USP7: variants seen among roughly 807,000 people sequenced by gnomAD.
USP7 encodes the protein ubiquitin C-terminal hydrolase 7.
A neutral mutation model predicts 162.9 loss-of-function variants in USP7; 9 were observed. The ratio of observed to expected loss-of-function variants is 0.06; its 90% CI spans 0.03 to 0.10. The LOEUF (loss-of-function observed/expected upper bound fraction) is 0.10. Ranked by LOEUF, USP7 falls within the 10% of genes least tolerant of loss-of-function variation. The pLI, the probability that USP7 is intolerant of heterozygous loss-of-function variation, is 1.00. For synonymous variants in USP7, 562 were observed against 475.9 expected (o/e 1.18, Z -2.35); for missense variants, 715 against 1,373.7 (o/e 0.52, Z 7.58).
intron 16 of USP7, among the ~76,000 whole-genome samples, chr16:8,902,969 G>A (rs551048989): frequency 4.7e-4 from 72 of 152,300 alleles, no homozygotes; most frequent in African/African-American, 1.6e-3. Context: ...CTTCAGGATC[G>A]AATGCCCATT....
In USP7 at chr16:8,923,363, T is replaced by A. The variant is rs1341264405; in HGVS notation, c.235A>T (p.Ser79Cys). The change falls in exon 3 of 31, where the codon AGC becomes TGC. Residue 79 changes from serine (S) to cysteine (C), a missense_variant. Transcript: ENST00000344836. ...CTAAGGACCGACTCACTCAGTCTGCTGAAGCGCTCCACAGTGAACTGAAAG... is the reference window on the plus strand; with the variant it reads ...CTAAGGACCGACTCACTCAGTCTGCAGAAGCGCTCCACAGTGAACTGAAAG... Reference protein sequence around the residue: ...ATFQFTVERFSRLSESVLSPP... With the variant: ...ATFQFTVERFCRLSESVLSPP... 2 of 1,614,108 alleles carry A rather than the reference T, an allele frequency of 1.2e-6. No individual in the cohort carries two copies. The highest frequency in any genetic ancestry group is 4.5e-5 in the East Asian group (2 of 44,904).
intron 1 of USP7, among the ~76,000 whole-genome samples, chr16:8,933,839 T>A (rs1337107105): frequency 6.6e-6 from 1 of 151,428 alleles, no homozygotes; most frequent in East Asian, 1.9e-4. Flanking sequence ...CACTGCAGCC[T>A]CCATCTCCTG....
chr16:8,912,329 G>A (rs956953065), intron 10 of USP7, among the ~76,000 whole-genome samples: 1 of 151,886 alleles, frequency 6.6e-6, no homozygotes, highest in African/African-American at 2.4e-5. Flanking sequence ...GTGGGCACCT[G>A]TAATCCCAGC....
chr16:8,910,894 A>T, intron 10 of USP7, 67 bp from the exon 11 acceptor site: 1 of 1,295,838 alleles, frequency 7.7e-7, no homozygotes, highest in Non-Finnish European at 1.1e-6. Context: ...ACACAGGTGT[A>T]AGTTATTTAA....
At chr16:8,951,691 T>C (rs1462853884) in intron 1 of USP7, among the ~76,000 whole-genome samples, 3 of 152,250 alleles carry the variant, frequency 2.0e-5, no homozygotes, top group Non-Finnish European at 1.5e-5. Context: ...ACCTGCACCC[T>C]GAGCCCTCGC....
At chr16:8,922,758 C>T (rs1260919496) in intron 3 of USP7, among the ~76,000 whole-genome samples, 4 of 152,212 alleles carry the variant, frequency 2.6e-5, no homozygotes, top group Non-Finnish European at 5.9e-5. Flanking sequence ...TTGGACATTT[C>T]ATAATATACA....
At position 8,910,974 on chromosome 16, in the gene USP7, T is replaced by G. The variant is rs1360269698; in HGVS notation, c.1079-147A>C. On this transcript the variant is annotated intron_variant, in intron 10 of 30. Transcript: ENST00000344836. ...GTAACTCTCCCCCTGTAGCCAAGAC[T>G]GTAGGTAAATGTGCTGTTAGCACCT... 7 of 672,598 alleles carry G rather than the reference T, an allele frequency of 1.0e-5. No individual in the cohort carries two copies. The African/African-American group carries it at 1.1e-4, about 10-fold the overall frequency. The allele number at this position is 672,598 out of a possible 1,614,324, so 41.7% of individuals were successfully genotyped here. A position where few individuals can be genotyped will look rare whatever the true frequency, so the allele number is the denominator to read the frequency against.
At chr16:8,909,660 G>A (rs1041182097) in intron 11 of USP7, among the ~76,000 whole-genome samples, 6 of 152,214 alleles carry the variant, frequency 3.9e-5, no homozygotes, top group Non-Finnish European at 1.5e-5. Flanking sequence ...TGAGCAAGTG[G>A]CTCATGCCTG....
At chr16:8,897,727 AT>A (rs2061709709) in intron 25 of USP7, among the ~76,000 whole-genome samples, 24 of 6,842 alleles carry the variant, frequency 3.5e-3, no homozygotes, top group African/African-American at 9.7e-3. Context: ...AAAAAAAAAA[AT>A]ATATATATAT....
chr16:8,913,230 C>T (rs889850856), intron 10 of USP7, among the ~76,000 whole-genome samples: 2 of 152,186 alleles, frequency 1.3e-5, no homozygotes, highest in African/African-American at 2.4e-5. Context: ...GTGGCGCATG[C>T]CTCTAATCCC....
chr16:8,960,972 G>A (rs1487360544), intron 1 of USP7, among the ~76,000 whole-genome samples: 2 of 152,206 alleles, frequency 1.3e-5, no homozygotes, highest in Non-Finnish European at 2.9e-5. Flanking sequence ...GGCCCAGTCA[G>A]AAGAAATGAG....
At chr16:8,936,722 TA>T in intron 1 of USP7, 1 of 1,410,706 alleles carries the variant, frequency 7.1e-7, no homozygotes, top group South Asian at 1.5e-5. Flanking sequence ...CATTCTTTTT[TA>T]TTTTTTAAAG....
At chr16:8,931,313 T>C (rs1270927738) in intron 1 of USP7, among the ~76,000 whole-genome samples, 2 of 151,986 alleles carry the variant, frequency 1.3e-5, no homozygotes, top group Non-Finnish European at 2.9e-5. Context: ...CTCAGCCTCC[T>C]GAGTAGCTGG....
At chr16:8,899,046 T>C in intron 23 of USP7, 75 bp downstream of exon 23, 1 of 1,478,552 alleles carries the variant, frequency 6.8e-7, no homozygotes, top group Non-Finnish European at 9.3e-7. Context: ...TTATTAAAAT[T>C]AGTTCCAAGA....
In USP7 at chr16:8,897,082, T is replaced by C. The variant is rs556450148; in HGVS notation, c.2736A>G (p.Pro912=). 6.2e-7 allele frequency: 1 copy of C among 1,613,446 alleles called. No individual in the cohort carries two copies. Among genetic ancestry groups the C allele is most frequent in the South Asian group, 1.1e-5 (1 of 91,060 alleles). Residue 912 remains proline, a synonymous_variant, in exon 26 of 31, where the codon CCA becomes CCG. Coordinates refer to ENST00000344836, the MANE Select transcript of USP7 (RefSeq NM_003470.3). ...QFREEEITLY[P]DKHGCVRDLL... ...GGTCCCGGACACACCCATGCTTGTCTGGATATAGTGTTATTTCCTAAGTAA... is the reference window on the plus strand; with the variant it reads ...GGTCCCGGACACACCCATGCTTGTCCGGATATAGTGTTATTTCCTAAGTAA...
intron 1 of USP7, among the ~76,000 whole-genome samples, chr16:8,932,763 A>C (rs1045325065): frequency 1.5e-4 from 23 of 152,222 alleles, no homozygotes; most frequent in African/African-American, 4.1e-4. Flanking sequence ...AAAGTGGAGG[A>C]GGCAAGAAGG....
At chr16:8,962,910 C>A in intron 1 of USP7, 1 of 169,324 alleles carries the variant, frequency 5.9e-6, no homozygotes, top group Non-Finnish European at 1.3e-5. Flanking sequence ...AAAACACCTC[C>A]GTCCCTCCGC....
At position 8,901,049 on chromosome 16, in the gene USP7, G is replaced by T. The variant is rs2061766265; in HGVS notation, c.2149C>A (p.Leu717Ile). 1 of 1,613,960 alleles carries T rather than the reference G, an allele frequency of 6.2e-7. No homozygotes were observed. ...CCTGCTCTGTCACACATAACTGGGA[G>T]CAAGTCACCTAGGAGAAAGAAGATA... ...TPISCKIRDL[L>I]PVMCDRAGFI... is the part of the protein sequence containing the mutation. The change falls in exon 20 of 31, where the codon CTC (leucine) becomes ATC (isoleucine). Residue 717 changes from leucine (L) to isoleucine (I), a missense_variant. Around this residue, in one of 11 missense-constraint regions of USP7, gnomAD observed 197 missense variants for 306.5 expected, o/e 0.64. Transcript: ENST00000344836.
intron 1 of USP7, among the ~76,000 whole-genome samples, chr16:8,934,746 G>A (rs1332402740): frequency 1.3e-5 from 2 of 152,220 alleles, no homozygotes; most frequent in Non-Finnish European, 2.9e-5. Context: ...CAAGGCCAGT[G>A]GCTGTGAAAT....
Sources: allele counts gnomAD v4.1 joint callset (sites outside exome capture counted in the v4.1 genomes callset), GRCh38; gene constraint gnomAD v4.1.1; regional missense constraint gnomAD v4.1.1; transcripts MANE v1.5; gene names NCBI Gene and HGNC (gene_info 2026-07-23, HGNC 2026-07-21).